The following FHIT variants were observed in gnomAD, a reference collection of about 807,000 sequenced individuals.
FHIT encodes the protein fragile histidine triad diadenosine triphosphatase, also known as bis(5'-adenosyl)-triphosphatase.
Under a neutral mutation model 17.9 loss-of-function variants are expected in FHIT, and 19 were observed. That is an observed-to-expected ratio of 1.06 (90% CI 0.74 to 1.56). The LOEUF is 1.56. Among genes scored for constraint, FHIT ranks in the 40% most tolerant of loss-of-function variants. The pLI is 0.00. For synonymous variants in FHIT, 81 were observed against 69.7 expected, an observed-to-expected ratio of 1.16 and a Z score of -0.81; for missense variants, 248 against 189.2, an observed-to-expected ratio of 1.31 and a Z score of -1.82.
chr3:60,825,850 C>T (rs782445369), intron 3 of FHIT, among the ~76,000 whole-genome samples: 4 of 152,006 alleles, frequency 2.6e-5, no homozygotes, highest in South Asian at 4.2e-4. Flanking sequence ...GTATAAACAA[C>T]GGACTAGTCA....
At chr3:59,891,390 C>T (rs138226889) in intron 8 of FHIT, among the ~76,000 whole-genome samples, 281 of 152,284 alleles carry the variant, frequency 1.8e-3, no homozygotes, top group African/African-American at 6.0e-3. Flanking sequence ...GGCTGCTAAG[C>T]GGGGCTCCAG....
intron 4 of FHIT, among the ~76,000 whole-genome samples, chr3:60,730,979 A>C (rs1390726116): frequency 1.9e-5 from 2 of 103,086 alleles, no homozygotes; most frequent in Non-Finnish European, 4.3e-5. Context: ...AAAAAAAAAA[A>C]AATTAGCCCA....
At chr3:60,823,978 G>A (rs1702027139) in intron 3 of FHIT, among the ~76,000 whole-genome samples, 1 of 152,192 alleles carries the variant, frequency 6.6e-6, no homozygotes, top group Non-Finnish European at 1.5e-5. Flanking sequence ...ATAGCCAGGG[G>A]AGAGTGGCAG....
intron 5 of FHIT, among the ~76,000 whole-genome samples, chr3:60,199,333 T>A (rs150572990): frequency 6.6e-6 from 1 of 152,230 alleles, no homozygotes; most frequent in East Asian, 1.9e-4. Flanking sequence ...TATATAAAAT[T>A]TTGTTTTTCT....
chr3:60,638,727 G>T (rs1327018724), intron 4 of FHIT, among the ~76,000 whole-genome samples: 2 of 151,892 alleles, frequency 1.3e-5, no homozygotes, highest in African/African-American at 4.8e-5. Context: ...AACATCCTAT[G>T]ATATATAACC....
At chr3:60,080,125 C>A (rs1344414695) in intron 5 of FHIT, among the ~76,000 whole-genome samples, 1 of 152,064 alleles carries the variant, frequency 6.6e-6, no homozygotes, top group Non-Finnish European at 1.5e-5. Context: ...AATGTGGATA[C>A]AGCCAAAAGA....
chr3:60,779,532 A>C (rs1452127793), intron 4 of FHIT, among the ~76,000 whole-genome samples: 1 of 152,212 alleles, frequency 6.6e-6, no homozygotes, highest in African/African-American at 2.4e-5. Context: ...AGCATCACGT[A>C]TCCAAATCCT....
chr3:60,046,871 G>A (rs995581573), intron 5 of FHIT, among the ~76,000 whole-genome samples: 5 of 152,156 alleles, frequency 3.3e-5, no homozygotes, highest in African/African-American at 9.7e-5. Flanking sequence ...ATCTGACATA[G>A]TAAACAGCTT....
At chr3:60,621,340 G>T (rs2039123368) in intron 4 of FHIT, among the ~76,000 whole-genome samples, 1 of 151,804 alleles carries the variant, frequency 6.6e-6, no homozygotes, top group Non-Finnish European at 1.5e-5. Flanking sequence ...AGTAGAGACA[G>T]GGTTTACATT....
intron 5 of FHIT, among the ~76,000 whole-genome samples, chr3:60,531,362 T>C (rs1169171308): frequency 7.1e-6 from 1 of 141,152 alleles, no homozygotes; most frequent in African/African-American, 2.6e-5. Context: ...CACTGCAAGC[T>C]CCGCCTCCCG....
intron 2 of FHIT, among the ~76,000 whole-genome samples, chr3:61,145,181 G>T (rs537084835): frequency 6.6e-6 from 1 of 152,082 alleles, no homozygotes; most frequent in Admixed American, 6.5e-5. Context: ...TTTAAATTTA[G>T]GTCTATGATC....
chr3:60,212,714 G>A (rs1323221058), intron 5 of FHIT, among the ~76,000 whole-genome samples: 2 of 152,160 alleles, frequency 1.3e-5, no homozygotes, highest in Admixed American at 6.6e-5. Flanking sequence ...CAAGGCATAT[G>A]AAATATCACT....
At chr3:59,963,840 T>C (rs554228089) in intron 7 of FHIT, among the ~76,000 whole-genome samples, 70 of 152,310 alleles carry the variant, frequency 4.6e-4, no homozygotes, top group African/African-American at 1.6e-3. Flanking sequence ...AAAGTTTCCA[T>C]GGGGACATAG....
At chr3:60,123,996 A>AG in intron 5 of FHIT, among the ~76,000 whole-genome samples, 1 of 66,812 alleles carries the variant, frequency 1.5e-5, no homozygotes, top group Admixed American at 1.8e-4. Context: ...ATATATATAT[A>AG]TATATATATA....
intron 8 of FHIT, among the ~76,000 whole-genome samples, chr3:59,785,421 T>C (rs1001603425): frequency 2.0e-5 from 3 of 151,950 alleles, no homozygotes; most frequent in Non-Finnish European, 4.4e-5. Flanking sequence ...GCAATTCTCC[T>C]GCCTCAACCT....
At chr3:60,192,148 G>A (rs1204135079) in intron 5 of FHIT, among the ~76,000 whole-genome samples, 1 of 151,812 alleles carries the variant, frequency 6.6e-6, no homozygotes, top group African/African-American at 2.4e-5. Context: ...CTACTCAGGA[G>A]GCGGAGGCAA....
intron 5 of FHIT, among the ~76,000 whole-genome samples, chr3:60,281,163 A>AC (rs1559785800): frequency 7.2e-6 from 1 of 138,772 alleles, no homozygotes; most frequent in Non-Finnish European, 1.6e-5. Context: ...AGGATCTGTA[A>AC]GGAAATATAA....
At chr3:59,992,192 T>C (rs1699305506) in intron 7 of FHIT, among the ~76,000 whole-genome samples, 1 of 152,072 alleles carries the variant, frequency 6.6e-6, no homozygotes, top group Non-Finnish European at 1.5e-5. Context: ...AAATTAGTAC[T>C]ATTACTCATT....
intron 5 of FHIT, among the ~76,000 whole-genome samples, chr3:60,263,327 C>T (rs1365180289): frequency 6.6e-6 from 1 of 151,886 alleles, no homozygotes; most frequent in Non-Finnish European, 1.5e-5. Context: ...GCATGTGACT[C>T]AGTAATTCCA....
Sources: allele counts gnomAD v4.1 joint callset (sites outside exome capture counted in the v4.1 genomes callset), GRCh38; gene constraint gnomAD v4.1.1; transcripts MANE v1.5; gene names NCBI Gene and HGNC (gene_info 2026-07-23, HGNC 2026-07-21).